The following NUDT19 variants were observed in gnomAD, a reference collection of about 807,000 sequenced individuals.
The protein encoded by NUDT19 is nudix hydrolase 19.
Under a neutral mutation model 22.2 loss-of-function variants are expected in NUDT19, and 31 were observed. That is an observed-to-expected ratio of 1.40 (90% CI 1.05 to 1.89). NUDT19 has a LOEUF of 1.89. Among genes scored for constraint, NUDT19 ranks in the 40% most tolerant of loss-of-function variants. The probability of loss-of-function intolerance (pLI) is 0.00; values close to 1 mark genes in which losing one functional copy is unlikely to be tolerated. For missense variants in NUDT19, 752 were observed against 514.2 expected (o/e 1.46, Z -4.47); for synonymous variants, 325 against 230.8 (o/e 1.41, Z -3.70).
intron 1 of NUDT19, among the ~76,000 whole-genome samples, chr19:32,696,273 G>A (rs1176758770): frequency 1.3e-5 from 2 of 152,190 alleles, no homozygotes. Context: ...ATCATGAGTA[G>A]TCCAGACAGT....
At chr19:32,710,312 C>T (rs1968432353) in intron 2 of NUDT19, among the ~76,000 whole-genome samples, 1 of 151,000 alleles carries the variant, frequency 6.6e-6, no homozygotes, top group African/African-American at 2.4e-5. Context: ...CTGTGCCCAG[C>T]CAACTTTGTT....
At chr19:32,698,090 CT>C (rs1968286609) in intron 1 of NUDT19, among the ~76,000 whole-genome samples, 1 of 152,160 alleles carries the variant, frequency 6.6e-6, no homozygotes, top group African/African-American at 2.4e-5. Context: ...CTGAGAGGTC[CT>C]CCTGTGGGAT....
rs192356999 is a variant in NUDT19, at chr19:32,707,837, G to T, written c.715-1348G>T. On this transcript the variant is annotated intron_variant, in intron 1 of 2. Transcript: ENST00000397061. Reference sequence around the variant, plus strand: ...ACTAAAAATACAAAAAATTAGCCGGGCGTGGTGGCAGGCACCTGTAGTCCC... The same window carrying T: ...ACTAAAAATACAAAAAATTAGCCGGTCGTGGTGGCAGGCACCTGTAGTCCC... Among the ~76,000 whole-genome samples the T allele has an allele frequency of 5.5e-3, 840 of 152,020 alleles. 10 individuals are homozygous for T. The highest frequency in any genetic ancestry group is 0.019 in the African/African-American group (791 of 41,476).
rs568147494 is a variant in NUDT19, at chr19:32,692,149, C to A, written c.189C>A (p.Ser63=). The A allele has an allele frequency of 2.0e-6, 3 of 1,503,646 alleles. No homozygotes were observed. Among genetic ancestry groups the A allele is most frequent in the East Asian group, 2.7e-5 (1 of 37,324 alleles). The allele number at this position is 1,503,646 out of a possible 1,614,324, so 93.1% of individuals were successfully genotyped here. The stretch of plus-strand genomic sequence containing the variant: ...TCATGCCGGGCGCGCACGTCTTCTC[C>A]GGCGGAGTGCTGGATGCGGCCGACC... ...QGFMPGAHVF[S]GGVLDAADRS... is the part of the protein sequence containing the mutation. The change falls in exon 1 of 3, where the codon TCC becomes TCA. Residue 63 remains serine, a synonymous_variant. Coordinates refer to ENST00000397061, the MANE Select transcript of NUDT19 (RefSeq NM_001105570.2).
rs757904981 is a variant in NUDT19 at position 32,692,294 on chromosome 19, A to G, written c.334A>G (p.Thr112Ala). 5.6e-6 allele frequency: 9 copies of G among 1,593,296 alleles called. No individual in the cohort carries two copies. The Admixed American group carries it at 1.3e-4, about 24-fold the overall frequency. The change falls in exon 1 of 3, where the codon ACC (threonine) becomes GCC (alanine). Residue 112 changes from threonine to alanine, a missense_variant. By Grantham distance (58) the Thr-to-Ala change is moderately conservative. Coordinates refer to ENST00000397061, the MANE Select transcript of NUDT19 (RefSeq NM_001105570.2). ...PSLPDTDDHK[T>A]DNTGTLPEDV... Reference sequence around the variant, plus strand: ...GCTGCCCGACACCGATGACCACAAGACCGACAACACTGGGACGCTGCCTGA... The same window carrying G: ...GCTGCCCGACACCGATGACCACAAGGCCGACAACACTGGGACGCTGCCTGA...
At chr19:32,704,962 C>G (rs1003180138) in intron 1 of NUDT19, among the ~76,000 whole-genome samples, 1 of 151,574 alleles carries the variant, frequency 6.6e-6, no homozygotes, top group Admixed American at 6.6e-5. Context: ...CAAAAATTAG[C>G]TGGGCATGGT....
intron 1 of NUDT19, among the ~76,000 whole-genome samples, chr19:32,701,428 C>T (rs767264534): frequency 5.9e-5 from 9 of 152,054 alleles, no homozygotes; most frequent in Non-Finnish European, 1.2e-4. Flanking sequence ...CAACTCCTGA[C>T]CTCAGGTGAT....
intron 1 of NUDT19, among the ~76,000 whole-genome samples, chr19:32,699,646 G>A (rs1968309927): frequency 6.6e-6 from 1 of 152,180 alleles, no homozygotes; most frequent in Non-Finnish European, 1.5e-5. Context: ...AGGAAAAATA[G>A]GACAGAATAG....
Position 32,692,405 on chromosome 19 carries a change from G to C in NUDT19, c.445G>C (p.Gly149Arg). The C allele has an allele frequency of 6.4e-7, 1 of 1,571,696 alleles. No homozygotes were observed. The highest frequency in any genetic ancestry group is 1.1e-5 in the South Asian group (1 of 88,482). The stretch of plus-strand genomic sequence containing the variant: ...GCTGCGGCCCAGGACTTCCCCACCA[G>C]GCCCAGCACCCGGGCCTGGCCTCGC... ...LLLRPRTSPP[G>R]PAPGPGLALE... Residue 149 changes from glycine (G) to arginine (R), a missense_variant, in exon 1 of 3, where the codon GGC (glycine) becomes CGC (arginine). Coordinates refer to ENST00000397061, the MANE Select transcript of NUDT19 (RefSeq NM_001105570.2).
intron 1 of NUDT19, 32 bp downstream of exon 1, chr19:32,692,706 G>A (rs761082926): frequency 3.0e-5 from 42 of 1,412,474 alleles, no homozygotes; most frequent in Non-Finnish European, 3.4e-5. Context: ...GCTGCGGACC[G>A]CCAGGACGTG....
Position 32,711,868 on chromosome 19 carries a change from C to G in NUDT19, c.1039C>G (p.Arg347Gly). ...KQFHRIVTYH[R>G]HLYDIHVTVQ... ...GTTTCACCGGATAGTGACATACCAT[C>G]GCCACCTTTATGATATCCACGTGAC... The change falls in exon 3 of 3, where the codon CGC (arginine) becomes GGC (glycine). Residue 347 changes from arginine to glycine, a missense_variant. Transcript: ENST00000397061. The G allele has an allele frequency of 6.2e-7, 1 of 1,613,220 alleles. No individual in the cohort carries two copies. The highest frequency in any genetic ancestry group is 8.5e-7 in the Non-Finnish European group (1 of 1,179,226).
intron 1 of NUDT19, among the ~76,000 whole-genome samples, chr19:32,694,095 C>T (rs969561751): frequency 3.3e-5 from 5 of 152,122 alleles, no homozygotes; most frequent in Non-Finnish European, 7.4e-5. Context: ...GGCCTTGATT[C>T]TAGAGGAAAC....
Position 32,697,945 on chromosome 19 carries a change from C to T in NUDT19, c.714+5271C>T, listed in dbSNP as rs532973412. Among the ~76,000 whole-genome samples the T allele has an allele frequency of 6.6e-5, 10 of 152,312 alleles. No individual in the cohort carries two copies. In the East Asian group the frequency reaches 1.7e-3, roughly 26 times the overall value. The stretch of plus-strand genomic sequence containing the variant: ...CCCCTACAGCTTGAAGGGGACATAA[C>T]CGATAGCCCGGGAAGGGGGCGTTTG... On this transcript the variant is annotated intron_variant, in intron 1 of 2. Transcript: ENST00000397061.
At chr19:32,704,225 A>G (rs1968364211) in intron 1 of NUDT19, among the ~76,000 whole-genome samples, 2 of 151,920 alleles carry the variant, frequency 1.3e-5, no homozygotes, top group Non-Finnish European at 2.9e-5. Context: ...TAGTTTGCAT[A>G]AATTTCTTAG....
At chr19:32,694,488 G>A (rs1968241013) in intron 1 of NUDT19, among the ~76,000 whole-genome samples, 1 of 152,158 alleles carries the variant, frequency 6.6e-6, no homozygotes, top group African/African-American at 2.4e-5. Context: ...AGAGTGTGTG[G>A]TAGTAAGATA....
At chr19:32,703,427 C>T (rs1968355712) in intron 1 of NUDT19, among the ~76,000 whole-genome samples, 1 of 152,182 alleles carries the variant, frequency 6.6e-6, no homozygotes, top group Admixed American at 6.5e-5. Flanking sequence ...CAGCTCACCA[C>T]AGCCTCTGCC....
chr19:32,707,972 C>T (rs552307745), intron 1 of NUDT19, among the ~76,000 whole-genome samples: 8 of 147,074 alleles, frequency 5.4e-5, no homozygotes, highest in Non-Finnish European at 9.0e-5. Context: ...AGCAAGACTC[C>T]GTTTCAAAAA....
chr19:32,697,369 ACC>A (rs1491232470), intron 1 of NUDT19, among the ~76,000 whole-genome samples: 22 of 152,106 alleles, frequency 1.4e-4, no homozygotes, highest in Non-Finnish European at 8.8e-5. Context: ...GGATCAATTG[ACC>A]CTCAAGTGAG....
In NUDT19 at chr19:32,692,440, A is replaced by C. The variant is rs781302090; in HGVS notation, c.480A>C (p.Pro160=). Residue 160 remains proline (P), a synonymous_variant, in exon 1 of 3, where the codon CCA becomes CCC. Transcript: ENST00000397061. ...PAPGPGLALE[P]PPGLASWRDR... ...CCGGGCCTGGCCTCGCCCTGGAGCC[A>C]CCGCCGGGCCTGGCCTCCTGGCGCG... The C allele has an allele frequency of 3.2e-6, 5 of 1,547,928 alleles. No homozygotes were observed. In the East Asian group the frequency reaches 9.8e-5, roughly 30 times the overall value.
Sources: allele counts gnomAD v4.1 joint callset (sites outside exome capture counted in the v4.1 genomes callset), GRCh38; gene constraint gnomAD v4.1.1; transcripts MANE v1.5; gene names NCBI Gene and HGNC (gene_info 2026-07-23, HGNC 2026-07-21).